Variants in RAB31 observed in about 807,000 individuals in gnomAD.
RAB31 encodes RAB31, member RAS oncogene family.
Under a neutral mutation model 25.6 loss-of-function variants are expected in RAB31, and 21 were observed. That is an observed-to-expected ratio of 0.82 (90% CI 0.58 to 1.18). The LOEUF (loss-of-function observed/expected upper bound fraction) is 1.18. Ranked by LOEUF, RAB31 falls within the 50% of genes most tolerant of loss-of-function variation. The probability of loss-of-function intolerance (pLI) is 0.00; values close to 1 mark genes in which losing one functional copy is unlikely to be tolerated. For missense variants in RAB31, 196 were observed against 250.1 expected (o/e 0.78, Z 1.46); for synonymous variants, 87 against 84.0 (o/e 1.04, Z -0.20).
chr18:9,727,635 G>A (rs2068101993), intron 1 of RAB31, among the ~76,000 whole-genome samples: 1 of 152,206 alleles, frequency 6.6e-6, no homozygotes, highest in Non-Finnish European at 1.5e-5. Context: ...TGTTAATTGT[G>A]TATAATTAAG....
intron 5 of RAB31, among the ~76,000 whole-genome samples, chr18:9,823,803 C>A (rs371599497): frequency 1.3e-5 from 2 of 152,110 alleles, no homozygotes; most frequent in Admixed American, 1.3e-4. Context: ...AAAAGATAAA[C>A]AGGGTAACTG....
intron 1 of RAB31, among the ~76,000 whole-genome samples, chr18:9,721,581 A>G (rs1264402229): frequency 4.0e-5 from 6 of 150,948 alleles, no homozygotes; most frequent in Non-Finnish European, 8.8e-5. Flanking sequence ...GCGCCACTGC[A>G]CTCCAACCTG....
intron 2 of RAB31, among the ~76,000 whole-genome samples, chr18:9,781,122 C>T (rs1010412898): frequency 1.1e-4 from 16 of 151,508 alleles, no homozygotes; most frequent in South Asian, 4.2e-4. Flanking sequence ...AATTGTTTTT[C>T]GGAAAGGTTA....
chr18:9,709,828 C>T (rs2068007391), intron 1 of RAB31, among the ~76,000 whole-genome samples: 1 of 152,136 alleles, frequency 6.6e-6, no homozygotes, highest in Non-Finnish European at 1.5e-5. Context: ...GTTCCCCAGG[C>T]CCTCTAATAT....
rs549064983 is a variant in RAB31 at position 9,781,568 on chromosome 18, C to A, written c.119+6211C>A. On this transcript the variant is annotated intron_variant, in intron 2 of 6. Coordinates refer to ENST00000578921, the MANE Select transcript of RAB31 (RefSeq NM_006868.4). Reference sequence around the variant, plus strand: ...CCTCAGCTGATCTGCCCGCCTTGGCCTCCCAAAGGAGTTTACAGGCGTGAG... The same window carrying A: ...CCTCAGCTGATCTGCCCGCCTTGGCATCCCAAAGGAGTTTACAGGCGTGAG... Among the ~76,000 whole-genome samples, 14 of 152,348 alleles carry A rather than the reference C, an allele frequency of 9.2e-5. 1 individual carries two copies. The South Asian group carries it at 2.9e-3, about 32-fold the overall frequency.
rs141785801 is a variant in RAB31, at chr18:9,849,391, G to A, written c.490+3700G>A. The stretch of plus-strand genomic sequence containing the variant: ...ATTTGGATCTCCGTCCTCATCTCAT[G>A]ATATAAAGTGAAATGTAATCACTTT... On this transcript the variant is annotated intron_variant, in intron 6 of 6. Transcript: ENST00000578921. Among the ~76,000 whole-genome samples, 563 of 152,268 alleles carry A rather than the reference G, an allele frequency of 3.7e-3. 6 individuals are homozygous for A. The highest frequency in any genetic ancestry group is 0.013 in the African/African-American group (538 of 41,542).
intron 5 of RAB31, among the ~76,000 whole-genome samples, chr18:9,825,656 T>C (rs1478447266): frequency 1.1e-4 from 16 of 152,142 alleles, no homozygotes; most frequent in Admixed American, 1.0e-3. Flanking sequence ...AGTAGGAGTT[T>C]ATGGTAGAGA....
intron 1 of RAB31, among the ~76,000 whole-genome samples, chr18:9,718,381 T>C (rs756449617): frequency 4.6e-5 from 7 of 152,168 alleles, no homozygotes; most frequent in Non-Finnish European, 8.8e-5. Context: ...TGCGTCAGCC[T>C]CCCAAGTAGC....
chr18:9,748,346 A>G (rs916921157), intron 1 of RAB31, among the ~76,000 whole-genome samples: 1 of 151,902 alleles, frequency 6.6e-6, no homozygotes, highest in Non-Finnish European at 1.5e-5. Context: ...CCTACCCCCA[A>G]ATAATAATAA....
chr18:9,726,151 G>A (rs959737048), intron 1 of RAB31: 1 of 152,262 alleles, frequency 6.6e-6, no homozygotes, highest in Non-Finnish European at 1.5e-5. Flanking sequence ...CAGTGCAGGA[G>A]GCAACCATTT....
At chr18:9,743,398 A>G (rs191330583) in intron 1 of RAB31, among the ~76,000 whole-genome samples, 23 of 152,370 alleles carry the variant, frequency 1.5e-4, no homozygotes, top group Middle Eastern at 3.4e-3. Flanking sequence ...AATTCAAATA[A>G]TAATACCTCA....
chr18:9,770,597 T>G (rs1438831447), intron 1 of RAB31, among the ~76,000 whole-genome samples: 3 of 152,206 alleles, frequency 2.0e-5, no homozygotes, highest in Non-Finnish European at 4.4e-5. Context: ...GTCTCTGATA[T>G]CGACTATACA....
intron 1 of RAB31, chr18:9,726,140 A>T (rs1421237315): frequency 6.6e-6 from 1 of 152,260 alleles, no homozygotes; most frequent in Non-Finnish European, 1.5e-5. Context: ...TCCCAGCTCC[A>T]CAGTGCAGGA....
At chr18:9,848,414 GTCTGTCCA>G (rs1218304311) in intron 6 of RAB31, among the ~76,000 whole-genome samples, 22 of 152,136 alleles carry the variant, frequency 1.4e-4, no homozygotes, top group Non-Finnish European at 4.4e-5. Flanking sequence ...CCATCCGTCT[GTCTGTCCA>G]TCTGTCCATC....
chr18:9,754,183 C>T (rs1016691914), intron 1 of RAB31, among the ~76,000 whole-genome samples: 20 of 152,210 alleles, frequency 1.3e-4, no homozygotes, highest in Admixed American at 2.6e-4. Context: ...AAGGTACTCT[C>T]AGCCCTCAGT....
chr18:9,854,124 C>T (rs1003048087), intron 6 of RAB31, among the ~76,000 whole-genome samples: 2 of 151,962 alleles, frequency 1.3e-5, no homozygotes, highest in Admixed American at 1.3e-4. Flanking sequence ...TGCTCTCGCT[C>T]CCCCACCCCC....
At chr18:9,725,923 T>C (rs1226062823) in intron 1 of RAB31, 1 of 152,184 alleles carries the variant, frequency 6.6e-6, no homozygotes, top group Non-Finnish European at 1.5e-5. Flanking sequence ...GCGACAACAA[T>C]ATATTTGTTT....
intron 1 of RAB31, among the ~76,000 whole-genome samples, chr18:9,715,305 T>G (rs548094818): frequency 1.3e-5 from 2 of 152,158 alleles, no homozygotes; most frequent in African/African-American, 4.8e-5. Flanking sequence ...GATCTCACTG[T>G]ATTTTCTGGC....
At chr18:9,728,039 A>G (rs1200938256) in intron 1 of RAB31, among the ~76,000 whole-genome samples, 1 of 152,264 alleles carries the variant, frequency 6.6e-6, no homozygotes, top group African/African-American at 2.4e-5. Flanking sequence ...ACACATAGGT[A>G]TAAAATGAAA....
Sources: gnomAD v4.1 joint callset for allele counts (sites outside exome capture counted in the v4.1 genomes callset) on GRCh38, gnomAD v4.1.1 for gene constraint, MANE v1.5 for transcripts, NCBI Gene and HGNC (gene_info 2026-07-23, HGNC 2026-07-21) for gene names.